The following ADGRD1 variants were observed in gnomAD, a reference collection of about 807,000 sequenced individuals.
ADGRD1 encodes adhesion G protein-coupled receptor D1.
ADGRD1 carries 77 observed loss-of-function variants against 113.4 expected under a neutral mutation model. The ratio of observed to expected loss-of-function variants is 0.68; its 90% CI spans 0.57 to 0.82. The LOEUF is 0.82. ADGRD1 is among the 40% of genes least tolerant of loss of function. The probability of loss-of-function intolerance (pLI) is 0.00; values close to 1 mark genes in which losing one functional copy is unlikely to be tolerated. For missense variants in ADGRD1, 1,036 were observed against 1,139.1 expected, an observed-to-expected ratio of 0.91 and a Z score of 1.30; for synonymous variants, 474 against 475.0, an observed-to-expected ratio of 1.00 and a Z score of 0.03.
At chr12:131,004,591 A>AGCG (rs56211976) in intron 11 of ADGRD1, among the ~76,000 whole-genome samples, 47 of 152,022 alleles carry the variant, frequency 3.1e-4, no homozygotes, top group Non-Finnish European at 5.7e-4. Flanking sequence ...GTCTGGGAGC[A>AGCG]TCTCAACCTG....
intron 13 of ADGRD1, chr12:131,026,949 C>T (rs1030117801): frequency 4.6e-5 from 7 of 152,218 alleles, no homozygotes; most frequent in Admixed American, 3.9e-4. Context: ...CAGTCACTTT[C>T]CTGTGCTTCT....
intron 20 of ADGRD1, among the ~76,000 whole-genome samples, chr12:131,127,113 G>A (rs1413734950): frequency 6.7e-6 from 1 of 150,340 alleles, no homozygotes; most frequent in Non-Finnish European, 1.5e-5. Flanking sequence ...ACTGACCCAG[G>A]CTAAAAGAAA....
intron 13 of ADGRD1, among the ~76,000 whole-genome samples, chr12:131,042,424 C>T (rs564576475): frequency 3.3e-5 from 5 of 152,326 alleles, no homozygotes; most frequent in African/African-American, 1.2e-4. Flanking sequence ...CAGAAACAGC[C>T]TCATGGTACA....
At chr12:130,983,283 T>C (rs1017807125) in intron 5 of ADGRD1, among the ~76,000 whole-genome samples, 1 of 152,112 alleles carries the variant, frequency 6.6e-6, no homozygotes, top group Non-Finnish European at 1.5e-5. Flanking sequence ...ATGCTCGGTG[T>C]GCTCGGACCA....
At position 131,096,084 on chromosome 12, in the gene ADGRD1, G is replaced by A. The variant is rs552508129; in HGVS notation, c.1672-8747G>A. On this transcript the variant is annotated intron_variant, in intron 15 of 24. Transcript: ENST00000261654. This position sits in a 1 kb window ranked among gnomAD's most constrained non-coding sequence, Gnocchi z 5.2. ...GCCCAGAGCAGCGGCCTAGACACGC[G>A]CTTGCTTTTCTGTCATTCCAGACGC... 3.3e-5 allele frequency among the ~76,000 whole-genome samples: 5 copies of A among 151,738 alleles called. No individual in the cohort carries two copies. The highest frequency in any genetic ancestry group is 2.1e-4 in the South Asian group (1 of 4,802).
intron 18 of ADGRD1, among the ~76,000 whole-genome samples, chr12:131,111,925 G>A (rs558185357): frequency 4.0e-5 from 6 of 151,610 alleles, no homozygotes; most frequent in South Asian, 2.1e-4. Context: ...TGATAAATAC[G>A]ACAACTGAGC....
chr12:131,014,558 G>T (rs997704260), intron 13 of ADGRD1, among the ~76,000 whole-genome samples: 1 of 152,206 alleles, frequency 6.6e-6, no homozygotes, highest in Non-Finnish European at 1.5e-5. Flanking sequence ...ACGCGGTGTC[G>T]ATGTTGGGGA....
chr12:131,013,293 G>T (rs1034381697), intron 12 of ADGRD1, among the ~76,000 whole-genome samples: 7 of 152,086 alleles, frequency 4.6e-5, no homozygotes, highest in Non-Finnish European at 8.8e-5. Flanking sequence ...CTCTGCAGAG[G>T]GCTGGCTTCA....
At chr12:131,137,772 G>A (rs1455407423) in intron 23 of ADGRD1, 2 of 320,432 alleles carry the variant, frequency 6.2e-6, no homozygotes, top group African/African-American at 4.3e-5. Flanking sequence ...AAGGCCTGAG[G>A]TGGATCCCGG....
chr12:131,073,969 C>T (rs995284358), intron 13 of ADGRD1, among the ~76,000 whole-genome samples: 1 of 152,108 alleles, frequency 6.6e-6, no homozygotes, highest in African/African-American at 2.4e-5. Context: ...ATTAAGGTTC[C>T]AACACATGAG....
chr12:131,127,170 TTCTG>T (rs1255633615), intron 20 of ADGRD1, among the ~76,000 whole-genome samples: 1 of 152,172 alleles, frequency 6.6e-6, no homozygotes, highest in Non-Finnish European at 1.5e-5. Context: ...AGATGATGAA[TTCTG>T]ACAAGTAATA....
At chr12:130,973,858 C>T (rs1448517394) in intron 4 of ADGRD1, among the ~76,000 whole-genome samples, 1 of 152,058 alleles carries the variant, frequency 6.6e-6, no homozygotes, top group Non-Finnish European at 1.5e-5. Context: ...GAGGCAGAGG[C>T]AGGATGATTG....
chr12:131,037,001 C>G (rs542409421), intron 13 of ADGRD1, among the ~76,000 whole-genome samples: 1 of 133,928 alleles, frequency 7.5e-6, no homozygotes, highest in South Asian at 2.6e-4. Flanking sequence ...CTCACTGCAC[C>G]GGGTCTCACT....
At chr12:131,098,229 C>A (rs1174196533) in intron 15 of ADGRD1, among the ~76,000 whole-genome samples, 1 of 61,830 alleles carries the variant, frequency 1.6e-5, no homozygotes, top group African/African-American at 3.8e-5. Flanking sequence ...GCTTCCCTCA[C>A]CTTCATAACC....
At chr12:131,061,564 G>T (rs551424813) in intron 13 of ADGRD1, among the ~76,000 whole-genome samples, 104 of 152,308 alleles carry the variant, frequency 6.8e-4, no homozygotes, top group African/African-American at 2.3e-3. Flanking sequence ...TTCACAGGAA[G>T]TTGCAAAAAT....
chr12:131,128,320 GCACT>G (rs767413132), intron 20 of ADGRD1, among the ~76,000 whole-genome samples: 1 of 151,784 alleles, frequency 6.6e-6, no homozygotes, highest in Non-Finnish European at 1.5e-5. Flanking sequence ...TGGGAACTCT[GCACT>G]CACTCAAGTT....
At chr12:131,062,296 C>A (rs1246802454) in intron 13 of ADGRD1, among the ~76,000 whole-genome samples, 3 of 152,142 alleles carry the variant, frequency 2.0e-5, no homozygotes, top group Non-Finnish European at 4.4e-5. Flanking sequence ...CCTGACCAAA[C>A]CACAATTTGT....
At chr12:131,114,811 G>C (rs1175996100) in intron 18 of ADGRD1, among the ~76,000 whole-genome samples, 2 of 152,148 alleles carry the variant, frequency 1.3e-5, no homozygotes, top group African/African-American at 2.4e-5. Context: ...TGAAGGGAGG[G>C]ACAGATAACC....
chr12:131,066,291 G>A (rs887225684), intron 13 of ADGRD1, among the ~76,000 whole-genome samples: 7 of 152,304 alleles, frequency 4.6e-5, no homozygotes, highest in East Asian at 3.9e-4. Flanking sequence ...TGCAAGCACC[G>A]CAGGCTTTGG....
Sources: allele counts gnomAD v4.1 joint callset (sites outside exome capture counted in the v4.1 genomes callset), GRCh38; gene constraint gnomAD v4.1.1; non-coding constraint Gnocchi (gnomAD v3.1); transcripts MANE v1.5; gene names NCBI Gene and HGNC (gene_info 2026-07-23, HGNC 2026-07-21).